The following GLI3 variants were observed in gnomAD, a reference collection of about 807,000 sequenced individuals.
GLI3 encodes GLI family zinc finger 3, also known as transcription activator GLI3.
Under a neutral mutation model 100.8 loss-of-function variants are expected in GLI3, and 20 were observed. The observed-to-expected ratio is 0.20, with a 90% CI of 0.14 to 0.29. The LOEUF is 0.29. Among genes scored for constraint, GLI3 ranks in the 10% least tolerant of loss-of-function variants. The pLI, the probability that GLI3 is intolerant of heterozygous loss-of-function variation, is 1.00. For synonymous variants in GLI3, 938 were observed against 860.5 expected, an observed-to-expected ratio of 1.09 and a Z score of -1.58; for missense variants, 2,040 against 2,128.5, an observed-to-expected ratio of 0.96 and a Z score of 0.82.
In GLI3 at chr7:42,084,901, C is replaced by CTTTTTT. The variant is rs747166719; in HGVS notation, c.368-8050_368-8045dup. Among the ~76,000 whole-genome samples, 58 of 47,516 alleles carry CTTTTTT rather than the reference C, an allele frequency of 1.2e-3. 5 individuals carry two copies. The highest frequency in any genetic ancestry group is 1.6e-3 in the African/African-American group (15 of 9,594). 31.2% of individuals were successfully genotyped at this position (47,516 alleles called of 152,430 possible). On this transcript the variant is annotated intron_variant, in intron 3 of 14. Transcript: ENST00000395925. Reference sequence around the variant, plus strand: ...AGCTCTAAAAATATGCATTTGGATTCTTTTTTTTTTTTTTTTTTTTTTTTT... The same window carrying CTTTTTT: ...AGCTCTAAAAATATGCATTTGGATTCTTTTTTTTTTTTTTTTTTTTTTTTTTTTTTT...
At chr7:42,204,728 G>A (rs941131331) in intron 2 of GLI3, among the ~76,000 whole-genome samples, 2 of 152,086 alleles carry the variant, frequency 1.3e-5, no homozygotes, top group Non-Finnish European at 2.9e-5. Context: ...ACCTCTTTCT[G>A]AGCTTGATTC....
intron 3 of GLI3, among the ~76,000 whole-genome samples, chr7:42,128,834 G>A (rs77500616): frequency 2.0e-3 from 297 of 152,160 alleles, no homozygotes; most frequent in African/African-American, 6.8e-3. Flanking sequence ...CACCCTGTGC[G>A]GCTGCCATTT....
At chr7:42,191,758 T>TAGGGTTATATCA (rs1787833032) in intron 2 of GLI3, among the ~76,000 whole-genome samples, 4 of 152,074 alleles carry the variant, frequency 2.6e-5, no homozygotes, top group Non-Finnish European at 5.9e-5. Flanking sequence ...AATAACCCTA[T>TAGGGTTATATCA]GAAGTAGATA....
intron 10 of GLI3, among the ~76,000 whole-genome samples, chr7:41,994,501 A>T (rs934351063): frequency 3.3e-5 from 5 of 152,336 alleles, no homozygotes; most frequent in African/African-American, 1.2e-4. Context: ...GGCAATTTAA[A>T]ATAAATAAAT....
At chr7:42,151,735 T>G (rs1299995029) in intron 2 of GLI3, 1 of 152,220 alleles carries the variant, frequency 6.6e-6, no homozygotes, top group South Asian at 2.1e-4. Context: ...ATAATCCCAC[T>G]TTGTACCTCC....
chr7:42,130,507 G>T (rs964489580), intron 3 of GLI3, among the ~76,000 whole-genome samples: 1 of 152,178 alleles, frequency 6.6e-6, no homozygotes, highest in African/African-American at 2.4e-5. Context: ...TAGAAATTAA[G>T]ATTATGACTG....
chr7:42,144,262 G>T (rs947450715), intron 3 of GLI3, among the ~76,000 whole-genome samples: 11 of 152,118 alleles, frequency 7.2e-5, no homozygotes, highest in Non-Finnish European at 1.3e-4. Flanking sequence ...AGAGGATGGG[G>T]CTTCTTACCC....
intron 12 of GLI3, among the ~76,000 whole-genome samples, chr7:41,975,109 A>G (rs73318096): frequency 0.049 from 7,482 of 152,136 alleles, 276 homozygotes; most frequent in African/African-American, 0.095. Flanking sequence ...TCTTTGGGGG[A>G]AAAATGAGCT....
At chr7:42,139,994 C>G (rs1195353863) in intron 3 of GLI3, among the ~76,000 whole-genome samples, 1 of 152,216 alleles carries the variant, frequency 6.6e-6, no homozygotes. Context: ...CCTCTTGAGC[C>G]CTGTCTTTGC....
chr7:42,008,658 T>C (rs78731107), intron 10 of GLI3, among the ~76,000 whole-genome samples: 2,367 of 152,326 alleles, frequency 0.016, 25 homozygotes, highest in Middle Eastern at 0.024. Context: ...TTTCTCTACC[T>C]GATCCAATGC....
At chr7:41,992,707 G>A (rs554972904) in intron 10 of GLI3, among the ~76,000 whole-genome samples, 1 of 152,298 alleles carries the variant, frequency 6.6e-6, no homozygotes, top group African/African-American at 2.4e-5. Context: ...AAAGGACACA[G>A]TAAATGGCAG....
At chr7:42,092,815 G>T (rs846304) in intron 3 of GLI3, among the ~76,000 whole-genome samples, 7,384 of 90,352 alleles carry the variant, frequency 0.082, 393 homozygotes, top group African/African-American at 0.21. Flanking sequence ...ATTTATTTAT[G>T]TATTTATGTA....
chr7:42,093,791 C>T (rs114630537), intron 3 of GLI3, among the ~76,000 whole-genome samples: 3,833 of 152,128 alleles, frequency 0.025, 61 homozygotes, highest in African/African-American at 0.034. Flanking sequence ...CTAGAGAACA[C>T]TCCTGTATGG....
intron 3 of GLI3, among the ~76,000 whole-genome samples, chr7:42,132,335 C>G (rs906674111): frequency 6.6e-6 from 1 of 151,994 alleles, no homozygotes; most frequent in Non-Finnish European, 1.5e-5. Flanking sequence ...CTCCTGACCT[C>G]CTGATCCGCC....
rs1157343728 is a variant in GLI3 at position 41,966,520 on chromosome 7, G to A, written c.2553C>T (p.Ala851=). The change falls in exon 15 of 15, where the codon GCC becomes GCT. Residue 851 remains alanine, a synonymous_variant. Transcript: ENST00000395925. The surrounding 1 kb of genome is among the most constrained non-coding windows in gnomAD (Gnocchi z 5.8). ...TCAGGTAGGCCGAGCTGATGGTGCT[G>A]GCGCTGCTGTCCCTTCTGTTGAGCA... ...LNMLNRRDSS[A]STISSAYLSS... The A allele has an allele frequency of 3.7e-6, 6 of 1,613,698 alleles. No individual in the cohort carries two copies. The highest frequency in any genetic ancestry group is 5.1e-6 in the Non-Finnish European group (6 of 1,180,026).
intron 2 of GLI3, among the ~76,000 whole-genome samples, chr7:42,194,088 C>T (rs1215163948): frequency 6.6e-6 from 1 of 152,094 alleles, no homozygotes; most frequent in Non-Finnish European, 1.5e-5. Flanking sequence ...GTAAAAATGC[C>T]TGAAGGACAG....
intron 10 of GLI3, among the ~76,000 whole-genome samples, chr7:42,008,379 G>C (rs78041449): frequency 1.3e-5 from 2 of 152,174 alleles, no homozygotes; most frequent in East Asian, 3.9e-4. Context: ...ATATTTGAAA[G>C]CAGTTATCAT....
At chr7:42,200,876 A>C (rs1001411524) in intron 2 of GLI3, among the ~76,000 whole-genome samples, 3 of 152,210 alleles carry the variant, frequency 2.0e-5, no homozygotes, top group African/African-American at 7.2e-5. Context: ...GACAGACTGA[A>C]ATGCATGAAA....
At chr7:41,969,304 A>G (rs1454923327) in intron 13 of GLI3, among the ~76,000 whole-genome samples, 4 of 152,196 alleles carry the variant, frequency 2.6e-5, no homozygotes, top group African/African-American at 9.7e-5. Context: ...CAGCAGCCGA[A>G]AGGGAGAGTG....
Sources: gnomAD v4.1 joint callset for allele counts (sites outside exome capture counted in the v4.1 genomes callset) on GRCh38, gnomAD v4.1.1 for gene constraint, Gnocchi (gnomAD v3.1) non-coding constraint, MANE v1.5 for transcripts, NCBI Gene and HGNC (gene_info 2026-07-23, HGNC 2026-07-21) for gene names.